Variants in CIRSR observed in about 807,000 individuals in gnomAD.
The protein encoded by CIRSR is corepressor of RBPJ and splicing regulator.
chr2:174,391,745 G>A, the CIRSR span, among the ~76,000 whole-genome samples: 5 of 152,174 alleles, frequency 3.3e-5, no homozygotes, highest in South Asian at 6.2e-4. Flanking sequence ...CAATTCTATC[G>A]AAATAACTTA....
the CIRSR span, among the ~76,000 whole-genome samples, chr2:174,375,907 G>A: frequency 9.2e-5 from 14 of 152,208 alleles, no homozygotes; most frequent in East Asian, 1.2e-3. Context: ...CACCTGGGCT[G>A]GAGCACAGTG....
At chr2:174,360,999 TA>T in the CIRSR span, among the ~76,000 whole-genome samples, 13 of 152,266 alleles carry the variant, frequency 8.5e-5, no homozygotes, top group Non-Finnish European at 1.3e-4. Flanking sequence ...TCCTCTTGCA[TA>T]AAAAAATTTT....
At chr2:174,372,240 A>C in the CIRSR span, among the ~76,000 whole-genome samples, 2 of 152,236 alleles carry the variant, frequency 1.3e-5, no homozygotes, top group Non-Finnish European at 2.9e-5. Flanking sequence ...GTTAATTTAA[A>C]AAACTTATAA....
At chr2:174,381,886 T>A in the CIRSR span, 2 of 736,176 alleles carry the variant, frequency 2.7e-6, no homozygotes, top group Non-Finnish European at 4.4e-6. Flanking sequence ...AAAATATTTT[T>A]GTTAGAAACA....
chr2:174,362,275 C>T, the CIRSR span, among the ~76,000 whole-genome samples: 61 of 151,878 alleles, frequency 4.0e-4, no homozygotes, highest in African/African-American at 1.3e-3. Flanking sequence ...CACTGCACTC[C>T]GGCCTGGGGG....
chr2:174,392,822 T>C, the CIRSR span, among the ~76,000 whole-genome samples: 2 of 152,198 alleles, frequency 1.3e-5, no homozygotes, highest in Non-Finnish European at 2.9e-5. Context: ...GAGGTGCCTA[T>C]AGGACATCAA....
the CIRSR span, among the ~76,000 whole-genome samples, chr2:174,379,532 A>G: frequency 1.3e-5 from 2 of 152,182 alleles, no homozygotes; most frequent in Non-Finnish European, 2.9e-5. Flanking sequence ...GTAAATGAAT[A>G]GGCAAAGCGG....
chr2:174,367,354 C>T, the CIRSR span, among the ~76,000 whole-genome samples: 7 of 152,108 alleles, frequency 4.6e-5, no homozygotes, highest in South Asian at 8.3e-4. Context: ...CCGAGGCAGA[C>T]GGATCACGAG....
At chr2:174,391,654 A>G in the CIRSR span, among the ~76,000 whole-genome samples, 1 of 152,186 alleles carries the variant, frequency 6.6e-6, no homozygotes, top group Non-Finnish European at 1.5e-5. Context: ...GAGAAAAACG[A>G]TGGAGTGAGA....
chr2:174,360,607 G>C, the CIRSR span, among the ~76,000 whole-genome samples: 1 of 152,178 alleles, frequency 6.6e-6, no homozygotes, highest in Non-Finnish European at 1.5e-5. Flanking sequence ...GTAATAGGAA[G>C]AGTCATGTAA....
the CIRSR span, chr2:174,351,628 A>T: frequency 6.2e-7 from 1 of 1,612,966 alleles, no homozygotes; most frequent in Non-Finnish European, 8.5e-7. Flanking sequence ...CCTGTGATGG[A>T]TCATTTGCGG....
the CIRSR span, among the ~76,000 whole-genome samples, chr2:174,362,345 C>T: frequency 7.0e-6 from 1 of 143,344 alleles, no homozygotes; most frequent in African/African-American, 2.5e-5. Context: ...AAAATTATGG[C>T]AAAGTAACTA....
At chr2:174,392,125 G>A in the CIRSR span, among the ~76,000 whole-genome samples, 6 of 152,126 alleles carry the variant, frequency 3.9e-5, no homozygotes, top group Non-Finnish European at 8.8e-5. Context: ...AGCCTCCCAA[G>A]TAGCTGGGAT....
At chr2:174,381,555 A>C in the CIRSR span, 2 of 575,212 alleles carry the variant, frequency 3.5e-6, no homozygotes, top group Non-Finnish European at 6.1e-6. Context: ...CGGGAGGCTG[A>C]GGCAGGAGAA....
At chr2:174,356,518 A>G in the CIRSR span, among the ~76,000 whole-genome samples, 4 of 74,534 alleles carry the variant, frequency 5.4e-5, no homozygotes, top group Admixed American at 6.6e-4. Flanking sequence ...GAAGGAAGAA[A>G]GAAAGAAAGA....
the CIRSR span, among the ~76,000 whole-genome samples, chr2:174,368,270 C>A: frequency 6.6e-6 from 1 of 152,158 alleles, no homozygotes; most frequent in East Asian, 1.9e-4. Flanking sequence ...GCAGAATATA[C>A]ATTCTTCTCC....
the CIRSR span, among the ~76,000 whole-genome samples, chr2:174,364,427 G>A: frequency 6.6e-6 from 1 of 152,344 alleles, no homozygotes; most frequent in Non-Finnish European, 1.5e-5. Flanking sequence ...TCTGGGGTCT[G>A]CAGGACGGTG....
chr2:174,367,781 T>TAA, the CIRSR span, among the ~76,000 whole-genome samples: 3 of 79,612 alleles, frequency 3.8e-5, no homozygotes, highest in South Asian at 3.5e-4. Context: ...TTTGAGTAGA[T>TAA]AAAAAAAAAA....
chr2:174,386,246 A>G, the CIRSR span, among the ~76,000 whole-genome samples: 1 of 152,104 alleles, frequency 6.6e-6, no homozygotes, highest in Non-Finnish European at 1.5e-5. Flanking sequence ...CAGTGGCGTG[A>G]TCTTGGCTTA....
Sources: allele counts gnomAD v4.1 joint callset (sites outside exome capture counted in the v4.1 genomes callset), GRCh38; gene constraint gnomAD v4.1.1; transcripts MANE v1.5; gene names NCBI Gene and HGNC (gene_info 2026-07-23, HGNC 2026-07-21).